Variants in CARMIL1 observed in about 807,000 individuals in gnomAD.
CARMIL1 encodes the protein F-actin-uncapping protein LRRC16A.
A neutral mutation model predicts 177.1 loss-of-function variants in CARMIL1; 90 were observed. That is an observed-to-expected ratio of 0.51 (90% CI 0.43 to 0.61). The LOEUF is 0.61. Ranked by LOEUF, CARMIL1 falls within the 20% of genes least tolerant of loss-of-function variation. The probability of loss-of-function intolerance (pLI) is 0.00; values close to 1 mark genes in which losing one functional copy is unlikely to be tolerated. For missense variants in CARMIL1, 1,380 were observed against 1,667.0 expected (o/e 0.83, Z 3.00); for synonymous variants, 577 against 606.2 (o/e 0.95, Z 0.71).
In CARMIL1 at chr6:25,619,572, A is replaced by G. The variant is rs1415139187; in HGVS notation, c.4105A>G (p.Ile1369Val). 1 of 1,613,564 alleles carries G rather than the reference A, an allele frequency of 6.2e-7. No individual in the cohort carries two copies. The change falls in exon 37 of 37, where the codon ATT (isoleucine) becomes GTT (valine). Residue 1369 changes from isoleucine to valine, a missense_variant. By Grantham distance (29) the Ile-to-Val change is conservative. Transcript: ENST00000329474. ...CGGGGAAGAAGCAGAAAAAGAGTTT[A>G]TTTTTGTGTAAAGGTCACCCACGCA... ...DSGEEAEKEFIFV is the reference protein window; with the variant it reads ...DSGEEAEKEFVFV
At chr6:25,390,320 A>ATATATATATATTTTTTT (rs1554184839) in intron 2 of CARMIL1, among the ~76,000 whole-genome samples, 1 of 58,104 alleles carries the variant, frequency 1.7e-5, no homozygotes, top group African/African-American at 6.2e-5. Flanking sequence ...ATATATATAT[A>ATATATATATATTTTTTT]TTTTTTTTTT....
intron 2 of CARMIL1, among the ~76,000 whole-genome samples, chr6:25,327,103 A>G (rs1486551876): frequency 6.6e-6 from 1 of 152,184 alleles, no homozygotes; most frequent in Non-Finnish European, 1.5e-5. Flanking sequence ...CCAGAAAGGA[A>G]TTTGGGACTT....
rs1039617356 is a variant in CARMIL1, at chr6:25,359,738, G to A, written c.139-60376G>A. ...ACTGATGTGCACAGTGGGCGGAACC[G>A]GGAAGGCAAGTCAGAGGCATTTTTC... is the stretch of plus-strand genomic sequence containing the variant. On this transcript the variant is annotated intron_variant, in intron 2 of 36. Transcript: ENST00000329474. 3.9e-5 allele frequency among the ~76,000 whole-genome samples: 6 copies of A among 152,152 alleles called. No individual in the cohort carries two copies. In the East Asian group the frequency reaches 5.8e-4, roughly 15 times the overall value.
intron 4 of CARMIL1, among the ~76,000 whole-genome samples, chr6:25,427,479 G>C (rs1455449749): frequency 6.6e-6 from 1 of 152,116 alleles, no homozygotes; most frequent in Non-Finnish European, 1.5e-5. Flanking sequence ...CATTTGGGTT[G>C]TTTCCCATCT....
At chr6:25,505,155 C>T (rs1386736091) in intron 17 of CARMIL1, among the ~76,000 whole-genome samples, 1 of 152,190 alleles carries the variant, frequency 6.6e-6, no homozygotes, top group Non-Finnish European at 1.5e-5. Flanking sequence ...AGAAGGATTA[C>T]TCTCATCAGT....
At chr6:25,503,909 C>T (rs761022280) in intron 17 of CARMIL1, among the ~76,000 whole-genome samples, 8 of 151,746 alleles carry the variant, frequency 5.3e-5, no homozygotes, top group African/African-American at 1.7e-4. Flanking sequence ...TGCTTGGGGC[C>T]GTGGGTTGGC....
At chr6:25,452,000 C>CCCCCCCCCA in intron 8 of CARMIL1, 1 of 185,030 alleles carries the variant, frequency 5.4e-6, no homozygotes, top group Non-Finnish European at 1.1e-5. Flanking sequence ...CCCCCTCCCC[C>CCCCCCCCCA]CCCCAGAATA....
intron 29 of CARMIL1, among the ~76,000 whole-genome samples, chr6:25,573,873 A>C (rs1163861512): frequency 6.6e-6 from 1 of 152,190 alleles, no homozygotes; most frequent in African/African-American, 2.4e-5. Context: ...CATGAAGAGG[A>C]TGTGGCACTG....
intron 30 of CARMIL1, 46 bp from the exon 31 acceptor site, chr6:25,581,197 G>A (rs1473879765): frequency 6.4e-7 from 1 of 1,565,854 alleles, no homozygotes; most frequent in South Asian, 1.2e-5. Context: ...TATGCATTAA[G>A]CTTTGGCCTT....
chr6:25,348,728 G>A (rs1787808914), intron 2 of CARMIL1, among the ~76,000 whole-genome samples: 1 of 152,072 alleles, frequency 6.6e-6, no homozygotes, highest in Non-Finnish European at 1.5e-5. Flanking sequence ...GTTGCAGTGA[G>A]CCGAGATCGT....
At chr6:25,376,547 A>G (rs566593615) in intron 2 of CARMIL1, among the ~76,000 whole-genome samples, 21 of 152,274 alleles carry the variant, frequency 1.4e-4, no homozygotes, top group Non-Finnish European at 2.8e-4. Flanking sequence ...AAGACTGTGT[A>G]TGACTTCCTT....
chr6:25,532,097 T>G (rs1164474417), intron 24 of CARMIL1, among the ~76,000 whole-genome samples: 2 of 149,898 alleles, frequency 1.3e-5, no homozygotes, highest in Non-Finnish European at 3.0e-5. Context: ...TTCTTTTTTT[T>G]TTTTCTTTTC....
At chr6:25,605,925 A>G (rs1318696103) in intron 34 of CARMIL1, 136 bp from the exon 35 acceptor site, 1 of 634,980 alleles carries the variant, frequency 1.6e-6, no homozygotes, top group Non-Finnish European at 2.8e-6. Context: ...CTAGAACAGC[A>G]TATTCTTAAA....
intron 2 of CARMIL1, among the ~76,000 whole-genome samples, chr6:25,325,710 A>G (rs993355227): frequency 2.6e-5 from 4 of 152,218 alleles, no homozygotes; most frequent in Non-Finnish European, 5.9e-5. Context: ...TGCTGAAGAT[A>G]CAGCAGATGT....
chr6:25,427,159 A>T (rs562603893), intron 4 of CARMIL1, among the ~76,000 whole-genome samples: 5 of 152,016 alleles, frequency 3.3e-5, no homozygotes, highest in African/African-American at 1.2e-4. Flanking sequence ...CAGTCAGTTT[A>T]ATTATTATTA....
chr6:25,299,995 A>AT (rs1165403590), intron 2 of CARMIL1, among the ~76,000 whole-genome samples: 1 of 151,342 alleles, frequency 6.6e-6, no homozygotes, highest in Non-Finnish European at 1.5e-5. Context: ...AAAAAAAAAA[A>AT]AGTTTCCAAA....
At chr6:25,486,884 C>A (rs969513708) in intron 12 of CARMIL1, among the ~76,000 whole-genome samples, 2 of 152,106 alleles carry the variant, frequency 1.3e-5, no homozygotes, top group Non-Finnish European at 2.9e-5. Flanking sequence ...CCTTGTGTGG[C>A]ACTGACTTTT....
At chr6:25,452,242 C>A (rs778774370) in intron 8 of CARMIL1, 14 of 762,680 alleles carry the variant, frequency 1.8e-5, no homozygotes, top group Non-Finnish European at 2.9e-5. Flanking sequence ...TTTTTTCCTG[C>A]TTAGAGCAGT....
At chr6:25,465,287 G>A (rs960993705) in intron 8 of CARMIL1, among the ~76,000 whole-genome samples, 1 of 152,076 alleles carries the variant, frequency 6.6e-6, no homozygotes, top group African/African-American at 2.4e-5. Context: ...CACTTTGGGT[G>A]GGGGCCAAGG....
Sources: gnomAD v4.1 joint callset for allele counts (sites outside exome capture counted in the v4.1 genomes callset) on GRCh38, gnomAD v4.1.1 for gene constraint, MANE v1.5 for transcripts, NCBI Gene and HGNC (gene_info 2026-07-23, HGNC 2026-07-21) for gene names.